NRXN1: variants seen among roughly 807,000 people sequenced by gnomAD.
The protein encoded by NRXN1 is neurexin 1, also known as neurexin-1.
Under a neutral mutation model 150.9 loss-of-function variants are expected in NRXN1, and 39 were observed. The ratio of observed to expected loss-of-function variants is 0.26; its 90% CI spans 0.20 to 0.34. The LOEUF (loss-of-function observed/expected upper bound fraction) is 0.34, where lower values mean the gene tolerates loss of function less well. Among genes scored for constraint, NRXN1 ranks in the 10% least tolerant of loss-of-function variants. The pLI is 1.00. For missense variants in NRXN1, 1,815 were observed against 1,949.9 expected (o/e 0.93, Z 1.30); for synonymous variants, 924 against 757.0 (o/e 1.22, Z -3.62).
intron 17 of NRXN1, among the ~76,000 whole-genome samples, chr2:50,389,350 T>C (rs556583876): frequency 5.2e-4 from 78 of 150,682 alleles, no homozygotes; most frequent in African/African-American, 1.7e-3. Flanking sequence ...AGTCCAATGA[T>C]AATTCTTACA....
At chr2:50,492,414 T>A (rs1282776701) in intron 15 of NRXN1, among the ~76,000 whole-genome samples, 2 of 152,226 alleles carry the variant, frequency 1.3e-5, no homozygotes, top group African/African-American at 2.4e-5. Flanking sequence ...TACCCATTTC[T>A]GATCGTTTCT....
rs1412740682 is a variant in NRXN1, at chr2:50,623,558, G to A, written c.890C>T (p.Ser297Phe). 3.1e-6 allele frequency: 5 copies of A among 1,613,244 alleles called. No individual in the cohort carries two copies. Among genetic ancestry groups the A allele is most frequent in the Non-Finnish European group, 3.4e-6 (4 of 1,179,428 alleles). Reference sequence around the variant, plus strand: ...ACTGCTGCTTTGAATGGGGTTTTGAGACAAGTCGTAGCAGAAGTATTCAGA... The same window carrying A: ...ACTGCTGCTTTGAATGGGGTTTTGAAACAAGTCGTAGCAGAAGTATTCAGA... The part of the protein sequence containing the change: ...KGSEYFCYDL[S>F]QNPIQSSSDE... The change falls in exon 6 of 23, where the codon TCT becomes TTT. Residue 297 changes from serine to phenylalanine, a missense_variant. This residue lies in a region of NRXN1 where 554 missense variants were observed against 478.8 expected (regional missense o/e 1.16). Coordinates refer to ENST00000401669, the MANE Select transcript of NRXN1 (RefSeq NM_001330078.2).
chr2:50,922,587 G>A, intron 4 of NRXN1, 71 bp downstream of exon 4: 1 of 1,442,320 alleles, frequency 6.9e-7, no homozygotes, highest in South Asian at 1.2e-5. Flanking sequence ...ATCCTTTGCA[G>A]TGATGGTTTG....
Position 51,028,228 on chromosome 2 carries a change from G to A in NRXN1, c.46C>T (p.Leu16Phe). The A allele has an allele frequency of 6.8e-7, 1 of 1,474,840 alleles. No homozygotes were observed. The allele number at this position is 1,474,840 out of a possible 1,614,324, so 91.4% of individuals were successfully genotyped here. A position where few individuals can be genotyped will look rare whatever the true frequency, so the allele number is the denominator to read the frequency against. The change falls in exon 2 of 23, where the codon CTC (leucine) becomes TTC (phenylalanine). Residue 16 changes from leucine (L) to phenylalanine (F), a missense_variant. Around this residue, in one of 6 missense-constraint regions of NRXN1, gnomAD observed 554 missense variants for 478.8 expected, o/e 1.16. Transcript: ENST00000401669. ...LQRGGCFLLC[L>F]SLLLLGCWAE... ...CAGCAGCCCAGGAGCAGCAGCGAGA[G>A]GCACAGAAGAAAACAGCCCCCGCGC...
intron 5 of NRXN1, among the ~76,000 whole-genome samples, chr2:50,643,098 C>T (rs1206166650): frequency 1.3e-5 from 2 of 151,798 alleles, no homozygotes; most frequent in African/African-American, 4.8e-5. Context: ...TATGTAAATG[C>T]CAATTTTTCT....
chr2:50,198,308 T>C (rs929687672), intron 18 of NRXN1, among the ~76,000 whole-genome samples: 2 of 152,102 alleles, frequency 1.3e-5, no homozygotes, highest in Non-Finnish European at 2.9e-5. Flanking sequence ...ACTCATTTCA[T>C]AGGATGAGTG....
At chr2:50,706,408 T>A (rs1386416637) in intron 5 of NRXN1, among the ~76,000 whole-genome samples, 3 of 152,184 alleles carry the variant, frequency 2.0e-5, no homozygotes, top group African/African-American at 7.2e-5. Flanking sequence ...CTTCTGTTAA[T>A]GGCAGGGAGA....
intron 5 of NRXN1, among the ~76,000 whole-genome samples, chr2:50,715,329 T>C (rs1209596283): frequency 2.6e-5 from 4 of 152,152 alleles, no homozygotes; most frequent in African/African-American, 7.2e-5. Context: ...TGTATTCTGG[T>C]GCTTTCTAGT....
At chr2:49,979,086 C>G (rs950242977) in intron 21 of NRXN1, among the ~76,000 whole-genome samples, 1 of 152,142 alleles carries the variant, frequency 6.6e-6, no homozygotes, top group African/African-American at 2.4e-5. Context: ...ATCACAAGAT[C>G]AGGAGTTCGA....
intron 17 of NRXN1, among the ~76,000 whole-genome samples, chr2:50,324,103 A>G (rs2076225015): frequency 6.6e-6 from 1 of 152,242 alleles, no homozygotes; most frequent in African/African-American, 2.4e-5. Flanking sequence ...AGAAGAAAGC[A>G]ATACTTAGCA....
At chr2:50,788,607 G>A (rs1705484522) in intron 5 of NRXN1, among the ~76,000 whole-genome samples, 1 of 149,284 alleles carries the variant, frequency 6.7e-6, no homozygotes, top group Non-Finnish European at 1.5e-5. Flanking sequence ...GAGAGAGACA[G>A]AGAGAGAGAG....
At chr2:50,703,549 T>C (rs2104981532) in intron 5 of NRXN1, among the ~76,000 whole-genome samples, 1 of 152,150 alleles carries the variant, frequency 6.6e-6, no homozygotes, top group South Asian at 2.1e-4. Flanking sequence ...ATTTAAAGTA[T>C]GTTTTGGTGA....
At chr2:49,987,792 G>C (rs1326805564) in intron 21 of NRXN1, among the ~76,000 whole-genome samples, 3 of 151,092 alleles carry the variant, frequency 2.0e-5, no homozygotes, top group African/African-American at 2.4e-5. Context: ...GTGACTTTTG[G>C]AAAAGAAACT....
chr2:50,476,751 G>A (rs1007809305), intron 15 of NRXN1, among the ~76,000 whole-genome samples: 1 of 152,096 alleles, frequency 6.6e-6, no homozygotes, highest in African/African-American at 2.4e-5. Context: ...TTTGTGTGCT[G>A]AAGTGTGCCT....
chr2:50,426,687 T>C (rs748821816), intron 17 of NRXN1, among the ~76,000 whole-genome samples: 1 of 152,188 alleles, frequency 6.6e-6, no homozygotes, highest in Non-Finnish European at 1.5e-5. Context: ...GTTATTTTTG[T>C]TGCATTCGGC....
chr2:50,054,750 T>G (rs1272054210), intron 20 of NRXN1, among the ~76,000 whole-genome samples: 1 of 152,162 alleles, frequency 6.6e-6, no homozygotes, highest in Non-Finnish European at 1.5e-5. Flanking sequence ...GGTAAGATTA[T>G]TAAACAGCTG....
chr2:50,735,591 T>C (rs1698636393), intron 5 of NRXN1, among the ~76,000 whole-genome samples: 1 of 152,192 alleles, frequency 6.6e-6, no homozygotes, highest in African/African-American at 2.4e-5. Flanking sequence ...GGTAAAACTA[T>C]TGTTTGTCTT....
intron 5 of NRXN1, among the ~76,000 whole-genome samples, chr2:50,868,592 C>T (rs1461548687): frequency 2.6e-5 from 4 of 151,620 alleles, no homozygotes; most frequent in Admixed American, 6.6e-5. Flanking sequence ...ATTACAGAAA[C>T]AGAGTTACAG....
intron 8 of NRXN1, among the ~76,000 whole-genome samples, chr2:50,582,891 C>G (rs1456190048): frequency 6.6e-6 from 1 of 152,110 alleles, no homozygotes; most frequent in Non-Finnish European, 1.5e-5. Flanking sequence ...AGCTGTCACT[C>G]ACTTGCAAAA....
Sources: gnomAD v4.1 joint callset for allele counts (sites outside exome capture counted in the v4.1 genomes callset) on GRCh38, gnomAD v4.1.1 for gene constraint, gnomAD v4.1.1 regional missense constraint, MANE v1.5 for transcripts, NCBI Gene and HGNC (gene_info 2026-07-23, HGNC 2026-07-21) for gene names.